Variants in OR6N1 observed in about 807,000 individuals in gnomAD.
OR6N1 encodes the protein olfactory receptor 6N1.
For synonymous variants in OR6N1, 170 were observed against 150.7 expected, an observed-to-expected ratio of 1.13 and a Z score of -0.94; for missense variants, 394 against 371.7, an observed-to-expected ratio of 1.06 and a Z score of -0.49.
At position 158,766,063 on chromosome 1, in the gene OR6N1, A is replaced by G; in HGVS notation, c.620T>C (p.Ile207Thr). ...LVDFVINSCK[I>T]LATFLLILCS... is the part of the protein sequence containing the mutation. ...GAGGATCAGCAGGAAGGTGGCTAGG[A>G]TCTTGCAGGAATTTATAACAAAATC... is the stretch of plus-strand genomic sequence containing the variant. The change falls in exon 2 of 2, where the codon ATC becomes ACC. Residue 207 changes from isoleucine to threonine, a missense_variant. Ile to Thr is a moderately conservative substitution (Grantham distance 89). Coordinates refer to ENST00000641846, the MANE Select transcript of OR6N1 (RefSeq NM_001005185.2). 2.5e-6 allele frequency: 4 copies of G among 1,614,192 alleles called. No homozygotes were observed. The highest frequency in any genetic ancestry group is 3.4e-6 in the Non-Finnish European group (4 of 1,180,022).
At chr1:158,818,595 G>A in the OR6N1 span, among the ~76,000 whole-genome samples, 1 of 152,160 alleles carries the variant, frequency 6.6e-6, no homozygotes, top group Admixed American at 6.5e-5. Flanking sequence ...TGTAGAGTCT[G>A]TACAAATTCT....
the OR6N1 span, among the ~76,000 whole-genome samples, chr1:158,794,315 T>C: frequency 2.0e-5 from 3 of 152,182 alleles, no homozygotes; most frequent in Non-Finnish European, 2.9e-5. Flanking sequence ...CACCTGTGCC[T>C]CTTCAATCCC....
chr1:158,805,067 C>T, the OR6N1 span, among the ~76,000 whole-genome samples: 1 of 152,188 alleles, frequency 6.6e-6, no homozygotes, highest in African/African-American at 2.4e-5. Context: ...ACTTTTAAAA[C>T]AACTATGTAA....
At chr1:158,782,620 A>T in the OR6N1 span, among the ~76,000 whole-genome samples, 9 of 152,218 alleles carry the variant, frequency 5.9e-5, no homozygotes, top group Admixed American at 4.6e-4. Flanking sequence ...AAGAAAGCTA[A>T]GCTTGCTCTG....
At chr1:158,790,992 A>G in the OR6N1 span, among the ~76,000 whole-genome samples, 1 of 152,152 alleles carries the variant, frequency 6.6e-6, no homozygotes, top group South Asian at 2.1e-4. Context: ...GCTGGATTTT[A>G]CCAAATGCTT....
At chr1:158,773,618 G>A (rs900501828), upstream of OR6N1, among the ~76,000 whole-genome samples, 3 of 151,966 alleles carry the variant, frequency 2.0e-5, no homozygotes, top group African/African-American at 7.3e-5. Flanking sequence ...CTCAGCCTTG[G>A]CTTACAAAAT....
At chr1:158,767,238 C>A (rs1456397139) in intron 1 of OR6N1, among the ~76,000 whole-genome samples, 2 of 152,144 alleles carry the variant, frequency 1.3e-5, no homozygotes, top group Non-Finnish European at 2.9e-5. Flanking sequence ...GAACTCAGGT[C>A]TGCTAGCATC....
chr1:158,791,469 ATT>A, the OR6N1 span, among the ~76,000 whole-genome samples: 31 of 127,324 alleles, frequency 2.4e-4, no homozygotes, highest in African/African-American at 4.7e-4. Flanking sequence ...TATGATTTTG[ATT>A]TTTTTTTTTT....
At chr1:158,828,064 C>T in the OR6N1 span, among the ~76,000 whole-genome samples, 1,254 of 152,256 alleles carry the variant, frequency 8.2e-3, 11 homozygotes, top group Non-Finnish European at 0.013. Flanking sequence ...ATGGGAAAGA[C>T]CTACCCCTAT....
chr1:158,783,679 C>G, the OR6N1 span, among the ~76,000 whole-genome samples: 1 of 152,158 alleles, frequency 6.6e-6, no homozygotes, highest in South Asian at 2.1e-4. Context: ...ATGTTTATTT[C>G]TCTCTTTTCA....
the OR6N1 span, among the ~76,000 whole-genome samples, chr1:158,823,924 A>G: frequency 6.6e-6 from 1 of 152,122 alleles, no homozygotes; most frequent in African/African-American, 2.4e-5. Flanking sequence ...GTTCCAATTC[A>G]TTTTAAGGAA....
chr1:158,804,877 C>T, the OR6N1 span, among the ~76,000 whole-genome samples: 3 of 151,968 alleles, frequency 2.0e-5, no homozygotes, highest in South Asian at 2.1e-4. Flanking sequence ...AAATGGGATG[C>T]GTATAACACT....
chr1:158,787,133 T>C, the OR6N1 span, among the ~76,000 whole-genome samples: 2 of 152,048 alleles, frequency 1.3e-5, no homozygotes, highest in African/African-American at 2.4e-5. Context: ...CGATTCTCCA[T>C]AGTGTGTTTT....
At chr1:158,830,413 T>C in the OR6N1 span, among the ~76,000 whole-genome samples, 1 of 152,214 alleles carries the variant, frequency 6.6e-6, no homozygotes, top group Admixed American at 6.5e-5. Context: ...ATCAGCTTTA[T>C]TCTTCTCTGT....
the OR6N1 span, among the ~76,000 whole-genome samples, chr1:158,782,866 T>C: frequency 6.6e-6 from 1 of 152,326 alleles, no homozygotes; most frequent in East Asian, 1.9e-4. Context: ...GATGTTGGTA[T>C]TCTTTGAGAA....
the OR6N1 span, among the ~76,000 whole-genome samples, chr1:158,836,227 T>C: frequency 6.6e-6 from 1 of 151,998 alleles, no homozygotes; most frequent in Admixed American, 6.6e-5. Context: ...TGCATTGGAG[T>C]AATGCTGAGT....
chr1:158,834,251 G>A, the OR6N1 span, among the ~76,000 whole-genome samples: 2 of 35,832 alleles, frequency 5.6e-5, no homozygotes. Context: ...TTTTTTTTTT[G>A]AGACGGAGTT....
chr1:158,765,335 T>C lies in OR6N1; in HGVS notation c.*409A>G, dbSNP rs762715517. On this transcript the variant is annotated 3_prime_UTR_variant, in exon 2 of 2. Transcript: ENST00000641846. The stretch of plus-strand genomic sequence containing the variant: ...TACCAGTCTTCTCCACATGAAATGA[T>C]TGCAAGTGGTACAAAAAACATCATG... 69 of 158,492 alleles carry C rather than the reference T, an allele frequency of 4.4e-4. 1 individual carries two copies. The highest frequency in any genetic ancestry group is 7.4e-4 in the Non-Finnish European group (53 of 71,908). 9.8% of individuals were successfully genotyped at this position (158,492 alleles called of 1,614,324 possible). A position where few individuals can be genotyped will look rare whatever the true frequency, so the allele number is the denominator to read the frequency against.
chr1:158,839,154 T>C, the OR6N1 span, among the ~76,000 whole-genome samples: 1 of 152,164 alleles, frequency 6.6e-6, no homozygotes, highest in Non-Finnish European at 1.5e-5. Context: ...GTATACCTTT[T>C]GTTGAAAACT....
Sources: allele counts gnomAD v4.1 joint callset (sites outside exome capture counted in the v4.1 genomes callset), GRCh38; gene constraint gnomAD v4.1.1; transcripts MANE v1.5; gene names NCBI Gene and HGNC (gene_info 2026-07-23, HGNC 2026-07-21).